The following SEMA3E variants were observed in gnomAD, a reference collection of about 807,000 sequenced individuals.
SEMA3E encodes the protein semaphorin-3E.
Under a neutral mutation model 93.6 loss-of-function variants are expected in SEMA3E, and 49 were observed. That is an observed-to-expected ratio of 0.52 (90% CI 0.42 to 0.66). SEMA3E has a LOEUF of 0.66. Ranked by LOEUF, SEMA3E falls within the 30% of genes least tolerant of loss-of-function variation. The pLI is 0.00. For missense variants in SEMA3E, 906 were observed against 964.8 expected (o/e 0.94, Z 0.81); for synonymous variants, 363 against 330.7 (o/e 1.10, Z -1.06).
chr7:83,571,495 GA>G, intron 1 of SEMA3E, among the ~76,000 whole-genome samples: 1 of 152,186 alleles, frequency 6.6e-6, no homozygotes, highest in South Asian at 2.1e-4. Flanking sequence ...TCACAGGTGT[GA>G]AAAAAGTCTT....
chr7:83,589,706 TA>T (rs1792714649), intron 1 of SEMA3E, among the ~76,000 whole-genome samples: 1 of 152,168 alleles, frequency 6.6e-6, no homozygotes, highest in Admixed American at 6.6e-5. Flanking sequence ...ATTAATAAGA[TA>T]TTTTTATTTA....
chr7:83,519,370 T>A (rs1400338411), intron 1 of SEMA3E, among the ~76,000 whole-genome samples: 1 of 152,164 alleles, frequency 6.6e-6, no homozygotes, highest in African/African-American at 2.4e-5. Context: ...AGAATCTGTC[T>A]TGTCTAAAAC....
At chr7:83,395,976 A>G (rs1788110582) in intron 12 of SEMA3E, among the ~76,000 whole-genome samples, 1 of 152,054 alleles carries the variant, frequency 6.6e-6, no homozygotes, top group South Asian at 2.1e-4. Context: ...AGCAGTGGTC[A>G]GTATTCACTA....
At chr7:83,585,326 T>A (rs374447671) in intron 1 of SEMA3E, among the ~76,000 whole-genome samples, 1 of 152,216 alleles carries the variant, frequency 6.6e-6, no homozygotes, top group African/African-American at 2.4e-5. Context: ...CTTGTTTCTT[T>A]GTTGCCTGTC....
chr7:83,592,333 G>A (rs1428488973), intron 1 of SEMA3E, among the ~76,000 whole-genome samples: 1 of 152,012 alleles, frequency 6.6e-6, no homozygotes, highest in African/African-American at 2.4e-5. Flanking sequence ...GTATGTTGGT[G>A]GTAATAATTT....
chr7:83,459,503 A>G (rs1789565401), intron 4 of SEMA3E, among the ~76,000 whole-genome samples: 1 of 152,192 alleles, frequency 6.6e-6, no homozygotes, highest in African/African-American at 2.4e-5. Context: ...ACACATCTAT[A>G]TATTCTGACC....
intron 10 of SEMA3E, among the ~76,000 whole-genome samples, chr7:83,401,460 T>C (rs745788594): frequency 2.1e-4 from 32 of 152,086 alleles, no homozygotes; most frequent in Non-Finnish European, 2.9e-5. Context: ...GGAAACATTT[T>C]GGACTAGCTT....
intron 1 of SEMA3E, among the ~76,000 whole-genome samples, chr7:83,573,356 T>G (rs1396699513): frequency 6.6e-6 from 1 of 152,146 alleles, no homozygotes; most frequent in African/African-American, 2.4e-5. Flanking sequence ...AAATTCATAT[T>G]TTCATACACT....
intron 1 of SEMA3E, among the ~76,000 whole-genome samples, chr7:83,540,119 T>C (rs1791490377): frequency 6.6e-6 from 1 of 152,104 alleles, no homozygotes; most frequent in East Asian, 1.9e-4. Flanking sequence ...CTGACCTCAG[T>C]TGATCCACCC....
At chr7:83,644,047 C>T (rs1162514071) in intron 1 of SEMA3E, among the ~76,000 whole-genome samples, 2 of 151,850 alleles carry the variant, frequency 1.3e-5, no homozygotes, top group Admixed American at 1.3e-4. Context: ...AAATAAATAC[C>T]ATGGCCTCCA....
At chr7:83,642,497 T>A (rs1794026656) in intron 1 of SEMA3E, among the ~76,000 whole-genome samples, 1 of 152,172 alleles carries the variant, frequency 6.6e-6, no homozygotes, top group South Asian at 2.1e-4. Flanking sequence ...GGACATGTCC[T>A]GTTCATTCCT....
chr7:83,388,479 T>A (rs1427799971), intron 14 of SEMA3E, among the ~76,000 whole-genome samples: 1 of 151,760 alleles, frequency 6.6e-6, no homozygotes, highest in Non-Finnish European at 1.5e-5. Flanking sequence ...GCATACTTAA[T>A]TTAGCTTAGA....
intron 2 of SEMA3E, among the ~76,000 whole-genome samples, chr7:83,481,141 A>G (rs1790137387): frequency 6.6e-6 from 1 of 152,134 alleles, no homozygotes; most frequent in Non-Finnish European, 1.5e-5. Context: ...ACTTTTTTTT[A>G]AGAGACAAAT....
At chr7:83,630,533 T>G (rs538978116) in intron 1 of SEMA3E, among the ~76,000 whole-genome samples, 1 of 152,280 alleles carries the variant, frequency 6.6e-6, no homozygotes, top group Non-Finnish European at 1.5e-5. Flanking sequence ...TTTATGTAGA[T>G]TTATGGTAGA....
intron 1 of SEMA3E, among the ~76,000 whole-genome samples, chr7:83,565,568 G>A (rs1562834874): frequency 6.6e-6 from 1 of 152,134 alleles, no homozygotes; most frequent in Non-Finnish European, 1.5e-5. Context: ...ATATATCCTT[G>A]AATTAATAGC....
In SEMA3E at chr7:83,365,723, A is replaced by T. The variant is rs909878502; in HGVS notation, c.*1863T>A. 2.0e-5 allele frequency: 3 copies of T among 152,198 alleles called. No homozygotes were observed. The highest frequency in any genetic ancestry group is 2.0e-4 in the Admixed American group (3 of 15,282). 9.4% of individuals were successfully genotyped at this position (152,198 alleles called of 1,614,324 possible). On this transcript the variant is annotated 3_prime_UTR_variant, in exon 17 of 17. Transcript: ENST00000643230. ...GCCTTTTTAATTTTAAAATTCAGATACAGGAGAAAATCCTGCTTTCTTTCT... is the reference window on the plus strand; with the variant it reads ...GCCTTTTTAATTTTAAAATTCAGATTCAGGAGAAAATCCTGCTTTCTTTCT...
chr7:83,382,449 A>C (rs143999431), intron 16 of SEMA3E, among the ~76,000 whole-genome samples: 7 of 152,074 alleles, frequency 4.6e-5, no homozygotes, highest in African/African-American at 1.7e-4. Context: ...TAGCTTCTGC[A>C]TGTGTAAGAT....
At chr7:83,525,792 T>G (rs1562819144) in intron 1 of SEMA3E, among the ~76,000 whole-genome samples, 4 of 150,968 alleles carry the variant, frequency 2.6e-5, no homozygotes, top group Admixed American at 2.6e-4. Flanking sequence ...GGGTTTTTTT[T>G]TTTTTTTTTC....
intron 5 of SEMA3E, 112 bp from the exon 6 acceptor site, chr7:83,408,599 CTATTGCTGT>C: frequency 8.4e-7 from 1 of 1,185,736 alleles, no homozygotes; most frequent in Non-Finnish European, 1.2e-6. Context: ...GACATTAATA[CTATTGCTGT>C]TAGGAGCATG....
Sources: gnomAD v4.1 joint callset for allele counts (sites outside exome capture counted in the v4.1 genomes callset) on GRCh38, gnomAD v4.1.1 for gene constraint, MANE v1.5 for transcripts, NCBI Gene and HGNC (gene_info 2026-07-23, HGNC 2026-07-21) for gene names.